The following CXADR variants were observed in gnomAD, a reference collection of about 807,000 sequenced individuals.
CXADR encodes the protein coxsackievirus and adenovirus receptor.
A neutral mutation model predicts 40.3 loss-of-function variants in CXADR; 20 were observed. The ratio of observed to expected loss-of-function variants is 0.50; its 90% CI spans 0.35 to 0.72. CXADR has a LOEUF of 0.72. CXADR is among the 30% of genes least tolerant of loss of function. The pLI is 0.01. For missense variants in CXADR, 332 were observed against 449.1 expected (o/e 0.74, Z 2.36); for synonymous variants, 150 against 161.3 (o/e 0.93, Z 0.53).
At chr21:17,547,685 C>T (rs1023129153) in intron 2 of CXADR, among the ~76,000 whole-genome samples, 3 of 152,200 alleles carry the variant, frequency 2.0e-5, no homozygotes, top group Admixed American at 1.3e-4. Flanking sequence ...CATAGTATTA[C>T]AGTCTATTTT....
chr21:17,525,005 GAA>G (rs768880807), intron 1 of CXADR, among the ~76,000 whole-genome samples: 47 of 152,118 alleles, frequency 3.1e-4, no homozygotes, highest in Non-Finnish European at 5.7e-4. Context: ...GTTTGCAGAA[GAA>G]AAGACTTTCT....
At chr21:17,519,014 A>G (rs2060495606) in intron 1 of CXADR, 2 of 1,581,476 alleles carry the variant, frequency 1.3e-6, no homozygotes, top group Admixed American at 3.4e-5. Context: ...AATCTGAAGC[A>G]GGGAGGGTCC....
the CXADR span, among the ~76,000 whole-genome samples, chr21:17,601,153 A>G: frequency 6.7e-6 from 1 of 149,654 alleles, no homozygotes; most frequent in East Asian, 2.0e-4. Flanking sequence ...ACAGAGTGAG[A>G]CTCCGTCTCA....
downstream of CXADR, among the ~76,000 whole-genome samples, chr21:17,571,276 G>A (rs1371538477): frequency 1.3e-5 from 2 of 152,100 alleles, no homozygotes; most frequent in African/African-American, 2.4e-5. Context: ...TACTTCACAG[G>A]GGATGTTGGA....
chr21:17,565,368 A>G (rs765044599), intron 6 of CXADR, 60 bp from the exon 7 acceptor site: 2 of 1,547,876 alleles, frequency 1.3e-6, no homozygotes, highest in South Asian at 1.2e-5. Flanking sequence ...CATAGCTTGC[A>G]TAATTGTAGG....
At chr21:17,606,725 C>T in the CXADR span, among the ~76,000 whole-genome samples, 25 of 151,998 alleles carry the variant, frequency 1.6e-4, no homozygotes, top group African/African-American at 5.8e-4. Context: ...AACTACTCTT[C>T]AAAAACAAAA....
intron 1 of CXADR, among the ~76,000 whole-genome samples, chr21:17,518,326 T>TG (rs2060486919): frequency 6.6e-6 from 1 of 152,170 alleles, no homozygotes; most frequent in African/African-American, 2.4e-5. Flanking sequence ...CAATACTTCA[T>TG]ATTTTGACCA....
At chr21:17,545,072 GTTT>G (rs869189508) in intron 1 of CXADR, among the ~76,000 whole-genome samples, 1,149 of 55,434 alleles carry the variant, frequency 0.021, 12 homozygotes, top group African/African-American at 0.048. Context: ...GCTCTAATGT[GTTT>G]TTTTTTTTTT....
At chr21:17,599,081 T>TAA in the CXADR span, 5 of 319,990 alleles carry the variant, frequency 1.6e-5, no homozygotes, top group East Asian at 1.0e-4. Flanking sequence ...TACTAATTCC[T>TAA]AAAAAAAAAA....
the CXADR span, among the ~76,000 whole-genome samples, chr21:17,615,917 A>C: frequency 1.3e-5 from 2 of 152,208 alleles, no homozygotes; most frequent in Non-Finnish European, 2.9e-5. Flanking sequence ...TAAATATGTG[A>C]GTCTTTAAAA....
the CXADR span, among the ~76,000 whole-genome samples, chr21:17,615,512 A>G: frequency 6.6e-6 from 1 of 152,200 alleles, no homozygotes; most frequent in Non-Finnish European, 1.5e-5. Flanking sequence ...ATTAACAATA[A>G]TTATAATAAC....
chr21:17,602,552 C>T, the CXADR span, among the ~76,000 whole-genome samples: 1 of 152,090 alleles, frequency 6.6e-6, no homozygotes, highest in South Asian at 2.1e-4. Flanking sequence ...CTCTACTAAA[C>T]GATTAATACG....
chr21:17,575,310 A>G (rs892817201), intron 7 of CXADR, among the ~76,000 whole-genome samples: 1 of 151,828 alleles, frequency 6.6e-6, no homozygotes, highest in African/African-American at 2.4e-5. Flanking sequence ...CAGCCTCTCA[A>G]GTAGCTGGGA....
intron 1 of CXADR, among the ~76,000 whole-genome samples, chr21:17,536,519 A>T (rs1200503840): frequency 1.3e-5 from 2 of 151,166 alleles, no homozygotes; most frequent in Admixed American, 6.6e-5. Flanking sequence ...CTTTCCCTCT[A>T]CTCTGAGCTC....
chr21:17,602,828 T>C, the CXADR span, among the ~76,000 whole-genome samples: 1 of 152,244 alleles, frequency 6.6e-6, no homozygotes, highest in Middle Eastern at 3.2e-3. Flanking sequence ...CTGAGACTTA[T>C]TTTAAGCATT....
At chr21:17,613,772 T>A in the CXADR span, 1 of 152,216 alleles carries the variant, frequency 6.6e-6, no homozygotes, top group African/African-American at 2.4e-5. Context: ...TTATATTGAG[T>A]TAACACCATG....
rs191440039 is a variant in CXADR at position 17,562,251 on chromosome 21, G to A, written c.833+775G>A. On this transcript the variant is annotated intron_variant, in intron 6 of 6. Coordinates refer to ENST00000284878, the MANE Select transcript of CXADR (RefSeq NM_001338.5). Reference sequence around the variant, plus strand: ...TCATGCCTCACTGTTGATGACTGGTGGCTGATCAGGATGGTAGTTGCTGAA... The same window carrying A: ...TCATGCCTCACTGTTGATGACTGGTAGCTGATCAGGATGGTAGTTGCTGAA... Among the ~76,000 whole-genome samples the A allele has an allele frequency of 3.4e-3, 514 of 152,304 alleles. 3 individuals carry two copies. The highest frequency in any genetic ancestry group is 6.1e-3 in the Admixed American group (94 of 15,304).
chr21:17,594,366 AG>A, downstream of CXADR: 1 of 1,585,870 alleles, frequency 6.3e-7, no homozygotes, highest in Non-Finnish European at 8.6e-7. Flanking sequence ...GTTAATTCAA[AG>A]GAAAAAATCA....
the CXADR span, among the ~76,000 whole-genome samples, chr21:17,632,905 G>A: frequency 6.6e-6 from 1 of 152,042 alleles, no homozygotes; most frequent in Non-Finnish European, 1.5e-5. Context: ...AGAAGGGTGT[G>A]AAGGGTTTGA....
Sources: gnomAD v4.1 joint callset for allele counts (sites outside exome capture counted in the v4.1 genomes callset) on GRCh38, gnomAD v4.1.1 for gene constraint, MANE v1.5 for transcripts, NCBI Gene and HGNC (gene_info 2026-07-23, HGNC 2026-07-21) for gene names.